Variants in PRKAG2 observed in about 807,000 individuals in gnomAD.
PRKAG2 encodes the protein 5'-AMP-activated protein kinase subunit gamma-2.
PRKAG2 carries 26 observed loss-of-function variants against 69.6 expected under a neutral mutation model. The observed-to-expected ratio is 0.37, with a 90% CI of 0.27 to 0.52. PRKAG2 has a LOEUF of 0.52. Among genes scored for constraint, PRKAG2 ranks in the 20% least tolerant of loss-of-function variants. The pLI is 0.90. For missense variants in PRKAG2, 557 were observed against 740.0 expected, an observed-to-expected ratio of 0.75 and a Z score of 2.87; for synonymous variants, 293 against 285.0, an observed-to-expected ratio of 1.03 and a Z score of -0.28.
intron 1 of PRKAG2, among the ~76,000 whole-genome samples, chr7:151,830,847 CATG>C (rs1448771204): frequency 6.6e-6 from 1 of 151,782 alleles, no homozygotes; most frequent in Non-Finnish European, 1.5e-5. Context: ...TTATTCTACA[CATG>C]TTGTGCTCTC....
At chr7:151,732,594 G>A (rs866829159) in intron 3 of PRKAG2, among the ~76,000 whole-genome samples, 2 of 152,328 alleles carry the variant, frequency 1.3e-5, no homozygotes, top group South Asian at 4.1e-4. Flanking sequence ...GGTTTTTATG[G>A]AGAACCTGCG....
At chr7:151,867,401 G>C (rs570357920) in intron 1 of PRKAG2, among the ~76,000 whole-genome samples, 1 of 152,310 alleles carries the variant, frequency 6.6e-6, no homozygotes, top group African/African-American at 2.4e-5. Context: ...ATCCTTCCTT[G>C]CCTCTTCCAC....
chr7:151,677,399 G>A lies in PRKAG2; in HGVS notation c.467-1762C>T, dbSNP rs193119769. Among the ~76,000 whole-genome samples, 347 of 152,220 alleles carry A rather than the reference G, an allele frequency of 2.3e-3. 3 individuals are homozygous for A. Among genetic ancestry groups the A allele is most frequent in the African/African-American group, 8.1e-3 (338 of 41,536 alleles). On this transcript the variant is annotated intron_variant, in intron 3 of 15. Transcript: ENST00000287878. ...TAGACATGGGGTTTCACCATGTTGG[G>A]CAAGCTGCTTTCGAACTCCTGACCT...
intron 9 of PRKAG2, 102 bp downstream of exon 9, chr7:151,572,562 T>A: frequency 1.2e-6 from 1 of 848,848 alleles, no homozygotes; most frequent in Non-Finnish European, 2.0e-6. Context: ...TATAACATTT[T>A]ATGGAGCAGA....
rs10523596 is a variant in PRKAG2, at chr7:151,610,739, CTTTTTTT to C, written c.755-15292_755-15286del. The stretch of plus-strand genomic sequence containing the variant: ...GCATATTATAAATATTTTTTCTTTT[CTTTTTTT>C]TTTTTTTTTTTTGAGATGGAGTCTT... On this transcript the variant is annotated intron_variant, in intron 5 of 15. Coordinates refer to ENST00000287878, the MANE Select transcript of PRKAG2 (RefSeq NM_016203.4). 1.9e-3 allele frequency among the ~76,000 whole-genome samples: 199 copies of C among 105,604 alleles called. 1 individual carries two copies. Among genetic ancestry groups the C allele is most frequent in the African/African-American group, 7.0e-3 (195 of 28,054 alleles). 69.3% of individuals were successfully genotyped at this position (105,604 alleles called of 152,430 possible).
chr7:151,800,768 G>A (rs780256830), intron 1 of PRKAG2, among the ~76,000 whole-genome samples: 3 of 152,124 alleles, frequency 2.0e-5, no homozygotes, highest in Admixed American at 6.6e-5. Context: ...TCACACACAC[G>A]ACATCACACA....
chr7:151,617,733 T>C lies in PRKAG2; in HGVS notation c.754+14336A>G, dbSNP rs188413620. ...ACTAAGTGTATAAGAATGAAATGCA[T>C]TTTAAAACAAAATTTACACTGTCCC... On this transcript the variant is annotated intron_variant, in intron 5 of 15. Coordinates refer to ENST00000287878, the MANE Select transcript of PRKAG2 (RefSeq NM_016203.4). Among the ~76,000 whole-genome samples the C allele has an allele frequency of 3.7e-3, 567 of 152,286 alleles. 4 individuals are homozygous for C. Among genetic ancestry groups the C allele is most frequent in the Non-Finnish European group, 6.1e-3 (415 of 68,034 alleles).
intron 1 of PRKAG2, among the ~76,000 whole-genome samples, chr7:151,832,599 G>GGT (rs2079062515): frequency 6.6e-6 from 1 of 151,532 alleles, no homozygotes; most frequent in Admixed American, 6.6e-5. Context: ...CATCTCTGGG[G>GGT]GGGGGGTCCC....
chr7:151,673,445 G>A (rs79862061), intron 4 of PRKAG2, among the ~76,000 whole-genome samples: 95 of 152,168 alleles, frequency 6.2e-4, no homozygotes, highest in Middle Eastern at 3.4e-3. Flanking sequence ...CTGTAGGGCC[G>A]ACTGTGCCAC....
chr7:151,582,430 G>A (rs1449149048), intron 6 of PRKAG2, among the ~76,000 whole-genome samples: 2 of 152,046 alleles, frequency 1.3e-5, no homozygotes, highest in African/African-American at 4.8e-5. Context: ...GGGATTCCAG[G>A]GGTAAGCCAC....
At chr7:151,775,715 T>C (rs1457402678) in intron 3 of PRKAG2, among the ~76,000 whole-genome samples, 1 of 152,196 alleles carries the variant, frequency 6.6e-6, no homozygotes, top group Non-Finnish European at 1.5e-5. Context: ...GTTCAGCTAT[T>C]CTTGGTACCA....
intron 3 of PRKAG2, among the ~76,000 whole-genome samples, chr7:151,752,205 G>A (rs944095696): frequency 2.0e-5 from 3 of 152,142 alleles, no homozygotes; most frequent in Admixed American, 6.5e-5. Flanking sequence ...TATGTGCTGC[G>A]GAATATTACA....
chr7:151,604,752 G>A (rs1027709888), intron 5 of PRKAG2, among the ~76,000 whole-genome samples: 3 of 152,216 alleles, frequency 2.0e-5, no homozygotes, highest in East Asian at 1.9e-4. Flanking sequence ...TCACGATCCC[G>A]TCCAGGATTC....
intron 5 of PRKAG2, among the ~76,000 whole-genome samples, chr7:151,615,458 A>T (rs1447092946): frequency 6.6e-6 from 1 of 152,244 alleles, no homozygotes; most frequent in Admixed American, 6.5e-5. Context: ...AAATTATAAT[A>T]ACCTGGAAGA....
intron 1 of PRKAG2, among the ~76,000 whole-genome samples, chr7:151,838,803 T>C (rs2079208729): frequency 6.6e-6 from 1 of 150,910 alleles, no homozygotes; most frequent in Non-Finnish European, 1.5e-5. Flanking sequence ...CCCCTTGAGT[T>C]CAGGAGTTAG....
intron 1 of PRKAG2, among the ~76,000 whole-genome samples, chr7:151,864,982 A>G (rs558717348): frequency 2.6e-5 from 4 of 152,250 alleles, no homozygotes; most frequent in African/African-American, 9.6e-5. Context: ...ATGATTAGAT[A>G]ACAATTTTAT....
At position 151,719,255 on chromosome 7, in the gene PRKAG2, G is replaced by A. The variant is rs963372925; in HGVS notation, c.467-43618C>T. Among the ~76,000 whole-genome samples, 19 of 152,128 alleles carry A rather than the reference G, an allele frequency of 1.2e-4. No homozygotes were observed. The highest frequency in any genetic ancestry group is 1.1e-3 in the Admixed American group (17 of 15,282). On this transcript the variant is annotated intron_variant, in intron 3 of 15. Transcript: ENST00000287878. The surrounding 1 kb of genome is among the most constrained non-coding windows in gnomAD (Gnocchi z 5.2). ...TCCCGGTCTCTGCAACATGCTTCCC[G>A]GCCCCGGCACGCTCAGCCCTGGTCC...
chr7:151,690,925 G>T (rs1835563026), intron 3 of PRKAG2, among the ~76,000 whole-genome samples: 1 of 152,336 alleles, frequency 6.6e-6, no homozygotes, highest in East Asian at 1.9e-4. Flanking sequence ...GGGGCCTGGT[G>T]CACTGTCCCA....
chr7:151,875,562 GGT>G (rs55660204), intron 1 of PRKAG2, among the ~76,000 whole-genome samples: 8,889 of 130,922 alleles, frequency 0.068, 269 homozygotes, highest in Admixed American at 0.1. Flanking sequence ...GGAGCACTCT[GGT>G]GTGTGTGTGT....
Sources: gnomAD v4.1 joint callset for allele counts (sites outside exome capture counted in the v4.1 genomes callset) on GRCh38, gnomAD v4.1.1 for gene constraint, Gnocchi (gnomAD v3.1) non-coding constraint, MANE v1.5 for transcripts, NCBI Gene and HGNC (gene_info 2026-07-23, HGNC 2026-07-21) for gene names.